PALM2AKAP2: variants seen among roughly 807,000 people sequenced by gnomAD.
The protein encoded by PALM2AKAP2 is PALM2-AKAP2 fusion protein.
PALM2AKAP2 carries 37 observed loss-of-function variants against 71.5 expected under a neutral mutation model. The ratio of observed to expected loss-of-function variants is 0.52; its 90% CI spans 0.40 to 0.68. The LOEUF is 0.68. PALM2AKAP2 is among the 30% of genes least tolerant of loss of function. The probability of loss-of-function intolerance (pLI) is 0.00; values close to 1 mark genes in which losing one functional copy is unlikely to be tolerated. For missense variants in PALM2AKAP2, 1,224 were observed against 1,191.8 expected (o/e 1.03, Z -0.40); for synonymous variants, 468 against 478.8 (o/e 0.98, Z 0.29).
intron 7 of PALM2AKAP2, among the ~76,000 whole-genome samples, chr9:110,018,716 A>G (rs1220875454): frequency 6.6e-6 from 1 of 152,170 alleles, no homozygotes; most frequent in East Asian, 1.9e-4. Context: ...CCTTCTCACT[A>G]AGGAATTTGT....
chr9:109,698,561 G>A (rs1432566299), intron 1 of PALM2AKAP2, among the ~76,000 whole-genome samples: 1 of 152,126 alleles, frequency 6.6e-6, no homozygotes, highest in African/African-American at 2.4e-5. Flanking sequence ...TTATAGGCGT[G>A]AGCCACCACA....
At chr9:109,844,554 T>C (rs1564176297) in intron 1 of PALM2AKAP2, among the ~76,000 whole-genome samples, 2 of 152,218 alleles carry the variant, frequency 1.3e-5, no homozygotes, top group African/African-American at 4.8e-5. Context: ...GGGTAATGAA[T>C]AGATGGAGAG....
At chr9:109,718,294 G>T (rs1828357625) in intron 1 of PALM2AKAP2, among the ~76,000 whole-genome samples, 1 of 151,956 alleles carries the variant, frequency 6.6e-6, no homozygotes, top group Non-Finnish European at 1.5e-5. Context: ...TTTCCAGGCT[G>T]GTCTCCAACT....
At chr9:110,004,275 T>C (rs1232450222) in intron 6 of PALM2AKAP2, among the ~76,000 whole-genome samples, 1 of 152,200 alleles carries the variant, frequency 6.6e-6, no homozygotes, top group African/African-American at 2.4e-5. Flanking sequence ...ATTTTATTTC[T>C]CCTTCACTTA....
chr9:109,691,867 T>TATATATATAC (rs1320319516), intron 1 of PALM2AKAP2, among the ~76,000 whole-genome samples: 3 of 51,478 alleles, frequency 5.8e-5, no homozygotes, highest in South Asian at 6.8e-4. Flanking sequence ...TATATATATA[T>TATATATATAC]ACACACACAC....
chr9:109,961,104 G>A (rs4978862), intron 6 of PALM2AKAP2, among the ~76,000 whole-genome samples: 14,266 of 152,260 alleles, frequency 0.094, 814 homozygotes, highest in East Asian at 0.16. Context: ...TGGTGCTCTT[G>A]GAGTTGTTCA....
chr9:109,869,078 A>G (rs1007355668), intron 2 of PALM2AKAP2, among the ~76,000 whole-genome samples: 3 of 152,246 alleles, frequency 2.0e-5, no homozygotes, highest in Non-Finnish European at 4.4e-5. Flanking sequence ...CTTTTAAATA[A>G]GAGGACCGAA....
chr9:109,997,963 C>A (rs534305806), intron 6 of PALM2AKAP2, among the ~76,000 whole-genome samples: 4 of 152,304 alleles, frequency 2.6e-5, no homozygotes, highest in African/African-American at 9.6e-5. Context: ...TAATGCCCAC[C>A]CTGCTGAGAA....
At chr9:109,942,310 C>T (rs188321826) in intron 6 of PALM2AKAP2, among the ~76,000 whole-genome samples, 5 of 152,268 alleles carry the variant, frequency 3.3e-5, no homozygotes, top group Admixed American at 3.3e-4. Flanking sequence ...CACATTTTAA[C>T]CAAGGGTTTG....
chr9:109,830,806 G>C (rs147183111), intron 1 of PALM2AKAP2, among the ~76,000 whole-genome samples: 1 of 152,108 alleles, frequency 6.6e-6, no homozygotes, highest in Non-Finnish European at 1.5e-5. Context: ...GTGACGCAGC[G>C]GAAGCCCAGG....
chr9:109,825,462 C>T (rs1828121477), intron 1 of PALM2AKAP2, among the ~76,000 whole-genome samples: 1 of 152,192 alleles, frequency 6.6e-6, no homozygotes, highest in Non-Finnish European at 1.5e-5. Flanking sequence ...GCAGCCTACT[C>T]ATCTGACGAA....
intron 1 of PALM2AKAP2, among the ~76,000 whole-genome samples, chr9:109,712,390 C>G (rs1468724549): frequency 2.0e-5 from 3 of 152,180 alleles, no homozygotes; most frequent in African/African-American, 7.2e-5. Flanking sequence ...CAAGGAGGCT[C>G]TTTTATCTCT....
Position 109,812,324 on chromosome 9 carries a change from C to T in PALM2AKAP2, c.45+31791C>T, listed in dbSNP as rs1029329234. 3.3e-5 allele frequency among the ~76,000 whole-genome samples: 5 copies of T among 152,052 alleles called. No individual in the cohort carries two copies. In the East Asian group the frequency reaches 7.7e-4, roughly 23 times the overall value. ...CTCCTGAGTTGCTGGGTCTGGATCT[C>T]GGGGTCAGGGTTGTTTGTGAGATTG... On this transcript the variant is annotated intron_variant, in intron 1 of 9. Transcript: ENST00000302798.
intron 3 of PALM2AKAP2, among the ~76,000 whole-genome samples, chr9:109,907,334 A>T (rs1296679035): frequency 6.6e-6 from 1 of 152,222 alleles, no homozygotes; most frequent in Non-Finnish European, 1.5e-5. Context: ...TGCTCGATAA[A>T]CATGAATGAG....
chr9:109,920,740 T>C (rs2131942628), intron 3 of PALM2AKAP2, among the ~76,000 whole-genome samples: 1 of 152,188 alleles, frequency 6.6e-6, no homozygotes, highest in East Asian at 1.9e-4. Context: ...TACTTTGAGA[T>C]TTAAATCAAA....
At chr9:109,750,616 G>C (rs7849561) in intron 1 of PALM2AKAP2, among the ~76,000 whole-genome samples, 45,918 of 151,182 alleles carry the variant, frequency 0.3, 7,146 homozygotes, top group Middle Eastern at 0.4. Context: ...GTGTGTGTCT[G>C]TGTGTATACC....
chr9:109,659,278 C>T (rs1827353821), intron 1 of PALM2AKAP2, among the ~76,000 whole-genome samples: 1 of 152,148 alleles, frequency 6.6e-6, no homozygotes, highest in Non-Finnish European at 1.5e-5. Flanking sequence ...TGTTCAATGG[C>T]TTTTAGTGGT....
intron 2 of PALM2AKAP2, among the ~76,000 whole-genome samples, chr9:109,876,447 A>G (rs1461916839): frequency 1.3e-5 from 2 of 152,160 alleles, no homozygotes; most frequent in Admixed American, 1.3e-4. Context: ...GGATTCTCTG[A>G]GACCAGGCCC....
At chr9:109,935,524 T>G (rs895120937) in intron 6 of PALM2AKAP2, among the ~76,000 whole-genome samples, 1 of 152,212 alleles carries the variant, frequency 6.6e-6, no homozygotes, top group African/African-American at 2.4e-5. Flanking sequence ...TCAAATGCAA[T>G]TTGCCTATTC....
Sources: allele counts gnomAD v4.1 joint callset (sites outside exome capture counted in the v4.1 genomes callset), GRCh38; gene constraint gnomAD v4.1.1; transcripts MANE v1.5; gene names NCBI Gene and HGNC (gene_info 2026-07-23, HGNC 2026-07-21).